Variants in CSMD3 observed in about 807,000 individuals in gnomAD.
The protein encoded by CSMD3 is CUB and Sushi multiple domains 3, also known as CUB and sushi domain-containing protein 3.
A neutral mutation model predicts 435.2 loss-of-function variants in CSMD3; 177 were observed. The ratio of observed to expected loss-of-function variants is 0.41; its 90% CI spans 0.36 to 0.46. The LOEUF is 0.46. Among genes scored for constraint, CSMD3 ranks in the 20% least tolerant of loss-of-function variants. The pLI, the probability that CSMD3 is intolerant of heterozygous loss-of-function variation, is 0.34. For missense variants in CSMD3, 4,265 were observed against 4,504.6 expected, an observed-to-expected ratio of 0.95 and a Z score of 1.52; for synonymous variants, 1,656 against 1,520.5, an observed-to-expected ratio of 1.09 and a Z score of -2.07.
In CSMD3 at chr8:112,453,830, G is replaced by T. The variant is rs918299559; in HGVS notation, c.5395+18761C>A. Among the ~76,000 whole-genome samples the T allele has an allele frequency of 3.9e-5, 6 of 152,020 alleles. No individual in the cohort carries two copies. The East Asian group carries it at 1.2e-3, about 29-fold the overall frequency. ...GCAATCCTAAGCAAAAAACAACAAA[G>T]CCAGAGTCATCACATTACCCGACTT... On this transcript the variant is annotated intron_variant, in intron 32 of 70. Coordinates refer to ENST00000297405, the MANE Select transcript of CSMD3 (RefSeq NM_198123.2).
chr8:113,024,015 T>C (rs767638337), intron 5 of CSMD3, among the ~76,000 whole-genome samples: 14 of 152,144 alleles, frequency 9.2e-5, no homozygotes, highest in Non-Finnish European at 1.5e-4. Flanking sequence ...AGGACACTGG[T>C]ACTTATTCTG....
chr8:112,323,564 G>A (rs142008190), intron 45 of CSMD3, among the ~76,000 whole-genome samples: 266 of 152,178 alleles, frequency 1.7e-3, no homozygotes, highest in African/African-American at 6.0e-3. Context: ...GATCACACAG[G>A]TAAGATGGTC....
intron 38 of CSMD3, among the ~76,000 whole-genome samples, chr8:112,369,907 T>A (rs532948946): frequency 7.1e-6 from 1 of 140,890 alleles, no homozygotes; most frequent in South Asian, 2.3e-4. Context: ...AAAAATTAAA[T>A]AAATAAATCA....
intron 45 of CSMD3, among the ~76,000 whole-genome samples, chr8:112,327,138 T>C (rs1163262741): frequency 6.6e-6 from 1 of 152,198 alleles, no homozygotes; most frequent in East Asian, 1.9e-4. Flanking sequence ...TCATCCTATA[T>C]AATATGTAAG....
intron 14 of CSMD3, among the ~76,000 whole-genome samples, chr8:112,686,055 A>T (rs559185937): frequency 1.3e-5 from 2 of 152,204 alleles, no homozygotes; most frequent in Non-Finnish European, 2.9e-5. Context: ...AATATACAGA[A>T]GTTCCCATAG....
chr8:112,994,751 G>C (rs2085583535), intron 6 of CSMD3, among the ~76,000 whole-genome samples: 1 of 151,466 alleles, frequency 6.6e-6, no homozygotes. Context: ...GTACAGACCA[G>C]TGTAGCTCAG....
intron 10 of CSMD3, among the ~76,000 whole-genome samples, chr8:112,903,476 A>G (rs939393830): frequency 6.6e-6 from 1 of 151,226 alleles, no homozygotes; most frequent in African/African-American, 2.4e-5. Flanking sequence ...CACTAATTTC[A>G]TGGTGGCGAA....
intron 1 of CSMD3, among the ~76,000 whole-genome samples, chr8:113,436,414 T>C (rs1422254329): frequency 2.0e-5 from 3 of 152,210 alleles, no homozygotes; most frequent in Non-Finnish European, 4.4e-5. Context: ...AGTTAGAGGC[T>C]ATACTAACCA....
At chr8:112,722,222 C>G (rs111370947) in intron 13 of CSMD3, among the ~76,000 whole-genome samples, 2,893 of 149,704 alleles carry the variant, frequency 0.019, 53 homozygotes, top group Middle Eastern at 0.049. Context: ...GGGAACTGTT[C>G]CAGAGGAAAA....
chr8:112,346,351 C>T, intron 40 of CSMD3, 138 bp from the exon 41 acceptor site: 1 of 693,382 alleles, frequency 1.4e-6, no homozygotes, highest in Non-Finnish European at 2.6e-6. Flanking sequence ...TGTTCACTCA[C>T]TATACACTAG....
intron 12 of CSMD3, among the ~76,000 whole-genome samples, chr8:112,819,661 G>T (rs1407830812): frequency 6.6e-6 from 1 of 152,122 alleles, no homozygotes; most frequent in Non-Finnish European, 1.5e-5. Context: ...TTCTGAGGGA[G>T]AACAGAAAGT....
At chr8:113,099,609 T>G (rs1348883197) in intron 4 of CSMD3, among the ~76,000 whole-genome samples, 2 of 152,098 alleles carry the variant, frequency 1.3e-5, no homozygotes, top group Non-Finnish European at 1.5e-5. Flanking sequence ...AGTCATATAA[T>G]GTACATAGAT....
At chr8:112,305,454 C>A (rs1465694976) in intron 51 of CSMD3, among the ~76,000 whole-genome samples, 1 of 151,966 alleles carries the variant, frequency 6.6e-6, no homozygotes, top group Non-Finnish European at 1.5e-5. Context: ...AGTTTATTCA[C>A]ATCAATATTT....
intron 23 of CSMD3, among the ~76,000 whole-genome samples, chr8:112,580,506 A>G (rs1830262531): frequency 6.7e-6 from 1 of 149,400 alleles, no homozygotes; most frequent in African/African-American, 2.5e-5. Context: ...GAGCCCAGAA[A>G]GGTGGCAAAC....
At chr8:112,331,316 C>A (rs928088994) in intron 45 of CSMD3, among the ~76,000 whole-genome samples, 4 of 151,994 alleles carry the variant, frequency 2.6e-5, no homozygotes, top group African/African-American at 7.2e-5. Context: ...TTTAGGAAAT[C>A]ATAATTATAG....
At chr8:112,743,352 G>C (rs1295585625) in intron 13 of CSMD3, among the ~76,000 whole-genome samples, 4 of 151,670 alleles carry the variant, frequency 2.6e-5, no homozygotes. Flanking sequence ...TTTTCAAAGT[G>C]GGAGATCAGA....
intron 1 of CSMD3, among the ~76,000 whole-genome samples, chr8:113,348,864 C>A (rs1285976801): frequency 1.3e-5 from 2 of 151,868 alleles, no homozygotes; most frequent in African/African-American, 2.4e-5. Context: ...TCATTTTAGA[C>A]CTTTACACAA....
chr8:112,489,043 A>C (rs1296019192), intron 31 of CSMD3, among the ~76,000 whole-genome samples: 2 of 152,204 alleles, frequency 1.3e-5, no homozygotes, highest in Admixed American at 1.3e-4. Flanking sequence ...TTATCTTAAA[A>C]AAATAAAAAA....
At chr8:112,506,481 C>T (rs77839166) in intron 29 of CSMD3, among the ~76,000 whole-genome samples, 10 of 151,996 alleles carry the variant, frequency 6.6e-5, no homozygotes, top group African/African-American at 1.7e-4. Context: ...TAGCTTCATG[C>T]GGGAAAATGG....
Sources: allele counts gnomAD v4.1 joint callset (sites outside exome capture counted in the v4.1 genomes callset), GRCh38; gene constraint gnomAD v4.1.1; transcripts MANE v1.5; gene names NCBI Gene and HGNC (gene_info 2026-07-23, HGNC 2026-07-21).